The following CNPY1 variants were observed in gnomAD, a reference collection of about 807,000 sequenced individuals.
The protein encoded by CNPY1 is protein canopy homolog 1.
CNPY1 carries 14 observed loss-of-function variants against 14.4 expected under a neutral mutation model. The ratio of observed to expected loss-of-function variants is 0.97; its 90% CI spans 0.64 to 1.52. The LOEUF is 1.52. Ranked by LOEUF, CNPY1 falls within the 40% of genes most tolerant of loss-of-function variation. The pLI is 0.00. For missense variants in CNPY1, 129 were observed against 131.5 expected (o/e 0.98, Z 0.09); for synonymous variants, 43 against 46.5 (o/e 0.92, Z 0.31).
rs867101603 is a variant in CNPY1 at position 155,537,129 on chromosome 7, T to A, written c.99+8702A>T. Among the ~76,000 whole-genome samples, 104 of 152,316 alleles carry A rather than the reference T, an allele frequency of 6.8e-4. 1 individual carries two copies. The highest frequency in any genetic ancestry group is 2.4e-3 in the African/African-American group (101 of 41,564). On this transcript the variant is annotated intron_variant, in intron 2 of 4. Coordinates refer to ENST00000636446, the MANE Select transcript of CNPY1 (RefSeq NM_001393663.1). ...TACTCCGCATGCTAACATCTTCTCA[T>A]GTCCTCTAGATGGTTGAGAGATGAG... is the stretch of plus-strand genomic sequence containing the variant.
chr7:155,535,717 G>A (rs1193172731), intron 2 of CNPY1, among the ~76,000 whole-genome samples: 1 of 152,166 alleles, frequency 6.6e-6, no homozygotes, highest in East Asian at 1.9e-4. Flanking sequence ...GGCTGCAGAG[G>A]CTGGAAAGCA....
chr7:155,516,218 A>G (rs28641024), intron 2 of CNPY1, among the ~76,000 whole-genome samples: 90,860 of 152,088 alleles, frequency 0.6, 27,328 homozygotes, highest in Middle Eastern at 0.72. Context: ...AAAGAACACC[A>G]TCCACCCAGA....
At chr7:155,525,250 G>A (rs914676879) in intron 2 of CNPY1, among the ~76,000 whole-genome samples, 8 of 151,812 alleles carry the variant, frequency 5.3e-5, no homozygotes, top group Admixed American at 4.6e-4. Flanking sequence ...GTGCAATCTC[G>A]GCTCACTGCA....
At chr7:155,542,629 C>T (rs1187672027) in intron 2 of CNPY1, among the ~76,000 whole-genome samples, 1 of 152,224 alleles carries the variant, frequency 6.6e-6, no homozygotes, top group Non-Finnish European at 1.5e-5. Flanking sequence ...CCCGGGGCTC[C>T]TGTGGTGCAG....
In CNPY1 at chr7:155,502,935, A is replaced by T; in HGVS notation, c.*133T>A. The T allele has an allele frequency of 1.4e-6, 1 of 728,030 alleles. No homozygotes were observed. Among genetic ancestry groups the T allele is most frequent in the Non-Finnish European group, 2.2e-6 (1 of 446,276 alleles). 45.1% of individuals were successfully genotyped at this position (728,030 alleles called of 1,614,324 possible). A position where few individuals can be genotyped will look rare whatever the true frequency, so the allele number is the denominator to read the frequency against. ...CCAACAGATTTTCAAAATGAATCAT[A>T]AACGGAGACAAACACGGTATAAACA... On this transcript the variant is annotated 3_prime_UTR_variant, in exon 5 of 5. Transcript: ENST00000636446.
At chr7:155,542,983 A>G (rs6978053) in intron 2 of CNPY1, among the ~76,000 whole-genome samples, 25,542 of 151,024 alleles carry the variant, frequency 0.17, 2,297 homozygotes, top group Non-Finnish European at 0.2. Context: ...CCGAGAGGCC[A>G]CTCACTCGCT....
At chr7:155,525,097 G>A (rs1796795700) in intron 2 of CNPY1, among the ~76,000 whole-genome samples, 1 of 152,144 alleles carries the variant, frequency 6.6e-6, no homozygotes, top group Non-Finnish European at 1.5e-5. Flanking sequence ...ACCCTCAGAT[G>A]ATGGTTATTT....
In CNPY1 at chr7:155,536,537, G is replaced by C. The variant is rs1563096853; in HGVS notation, c.99+9294C>G. 6.6e-6 allele frequency among the ~76,000 whole-genome samples: 1 copy of C among 152,146 alleles called. No individual in the cohort carries two copies. Among genetic ancestry groups the C allele is most frequent in the Non-Finnish European group, 1.5e-5 (1 of 68,034 alleles). ...TGTTTCCAGCCCTTCTTCCAACTAGGTGAGGACATGTGCTGGAGTCCCAGC... is the reference window on the plus strand; with the variant it reads ...TGTTTCCAGCCCTTCTTCCAACTAGCTGAGGACATGTGCTGGAGTCCCAGC... On this transcript the variant is annotated intron_variant, in intron 2 of 4. Coordinates refer to ENST00000636446, the MANE Select transcript of CNPY1 (RefSeq NM_001393663.1). This position sits in a 1 kb window ranked among gnomAD's most constrained non-coding sequence, Gnocchi z 4.1.
chr7:155,506,551 CCAAA>C (rs139356181), intron 4 of CNPY1: 101,954 of 152,292 alleles, frequency 0.67, 33,496 homozygotes, highest in South Asian at 0.73. Flanking sequence ...CAGCATCCCC[CCAAA>C]CAAACAAACA....
chr7:155,502,755 ATTTTG>A lies in CNPY1; in HGVS notation c.*308_*312del, dbSNP rs1362194653. On this transcript the variant is annotated 3_prime_UTR_variant, in exon 5 of 5. Transcript: ENST00000636446. ...AAGCAGCATACATTATGAAATCCCT[ATTTTG>A]TTTATGAAATGTCTTCGCTTTTTTC... 5 of 356,146 alleles carry A rather than the reference ATTTTG, an allele frequency of 1.4e-5. No individual in the cohort carries two copies. The highest frequency in any genetic ancestry group is 2.6e-5 in the Non-Finnish European group (5 of 196,074). 22.1% of individuals were successfully genotyped at this position (356,146 alleles called of 1,614,324 possible).
chr7:155,534,844 A>G (rs746372286), intron 2 of CNPY1, among the ~76,000 whole-genome samples: 1 of 152,224 alleles, frequency 6.6e-6, no homozygotes, highest in Non-Finnish European at 1.5e-5. Context: ...TGAGCAGGAA[A>G]GACCAGGCTG....
intron 2 of CNPY1, among the ~76,000 whole-genome samples, chr7:155,527,054 C>CTTTCTTTCTTTCTT (rs56296833): frequency 0.082 from 7,386 of 90,198 alleles, 571 homozygotes; most frequent in East Asian, 0.2. Context: ...TTCTTTCTTT[C>CTTTCTTTCTTTCTT]TTTTTTTTTT....
At chr7:155,523,511 T>C (rs10248960) in intron 2 of CNPY1, among the ~76,000 whole-genome samples, 46,680 of 152,108 alleles carry the variant, frequency 0.31, 7,723 homozygotes, top group East Asian at 0.46. Context: ...GAGCTGATGC[T>C]CACCCTGCAG....
At chr7:155,535,606 A>G (rs535446068) in intron 2 of CNPY1, among the ~76,000 whole-genome samples, 1 of 152,324 alleles carries the variant, frequency 6.6e-6, no homozygotes, top group Non-Finnish European at 1.5e-5. Flanking sequence ...CTGCCTCCCC[A>G]AAACCCCTTC....
intron 2 of CNPY1, among the ~76,000 whole-genome samples, chr7:155,526,380 A>C (rs1796818968): frequency 6.6e-6 from 1 of 152,208 alleles, no homozygotes; most frequent in African/African-American, 2.4e-5. Context: ...AACGGCTGGC[A>C]GGGGACATTC....
intron 2 of CNPY1, among the ~76,000 whole-genome samples, chr7:155,522,726 A>G (rs1796749011): frequency 6.6e-6 from 1 of 152,196 alleles, no homozygotes; most frequent in African/African-American, 2.4e-5. Flanking sequence ...ACCACCATGC[A>G]CACTCCCCTG....
chr7:155,530,444 A>AC (rs1451988050), intron 2 of CNPY1, among the ~76,000 whole-genome samples: 2 of 151,676 alleles, frequency 1.3e-5, no homozygotes, highest in African/African-American at 4.8e-5. Context: ...TGACCCCTGC[A>AC]CCTGCCCAAG....
intron 2 of CNPY1, among the ~76,000 whole-genome samples, chr7:155,534,343 A>G (rs1198470518): frequency 1.3e-5 from 1 of 79,040 alleles, no homozygotes; most frequent in Non-Finnish European, 3.2e-5. Flanking sequence ...GCACAGAGGC[A>G]CACATGCACA....
chr7:155,527,039 T>TTTC (rs1796832414), intron 2 of CNPY1, among the ~76,000 whole-genome samples: 1 of 53,134 alleles, frequency 1.9e-5, no homozygotes, highest in African/African-American at 7.9e-5. Flanking sequence ...TTTTTCTTTC[T>TTTC]TTCTTTCTTT....
Sources: allele counts gnomAD v4.1 joint callset (sites outside exome capture counted in the v4.1 genomes callset), GRCh38; gene constraint gnomAD v4.1.1; non-coding constraint Gnocchi (gnomAD v3.1); transcripts MANE v1.5; gene names NCBI Gene and HGNC (gene_info 2026-07-23, HGNC 2026-07-21).